Variants in COLEC12 observed in about 807,000 individuals in gnomAD.
The protein encoded by COLEC12 is collectin-12.
A neutral mutation model predicts 71.1 loss-of-function variants in COLEC12; 33 were observed. The observed-to-expected ratio is 0.46, with a 90% CI of 0.35 to 0.62. The LOEUF (loss-of-function observed/expected upper bound fraction) is 0.62, where lower values mean the gene tolerates loss of function less well. COLEC12 is among the 20% of genes least tolerant of loss of function. The probability of loss-of-function intolerance (pLI) is 0.00; values close to 1 mark genes in which losing one functional copy is unlikely to be tolerated. For missense variants in COLEC12, 765 were observed against 916.1 expected, an observed-to-expected ratio of 0.84 and a Z score of 2.13; for synonymous variants, 350 against 353.0, an observed-to-expected ratio of 0.99 and a Z score of 0.10.
At chr18:419,351 G>A (rs937986695) in intron 2 of COLEC12, among the ~76,000 whole-genome samples, 15 of 152,038 alleles carry the variant, frequency 9.9e-5, no homozygotes, top group African/African-American at 1.9e-4. Flanking sequence ...GACTACAGGC[G>A]CATGCCACCA....
chr18:406,568 T>C (rs564983523), intron 2 of COLEC12, among the ~76,000 whole-genome samples: 54 of 151,354 alleles, frequency 3.6e-4, no homozygotes, highest in Admixed American at 2.6e-3. Context: ...CGGGGCTGCC[T>C]TGTGTATAAA....
At chr18:324,592 G>A (rs1213684964) in intron 8 of COLEC12, among the ~76,000 whole-genome samples, 1 of 152,172 alleles carries the variant, frequency 6.6e-6, no homozygotes, top group East Asian at 1.9e-4. Flanking sequence ...ACTTTGGGAG[G>A]CCGAGGTGGG....
intron 3 of COLEC12, among the ~76,000 whole-genome samples, chr18:354,968 T>C (rs1914599465): frequency 6.6e-6 from 1 of 152,082 alleles, no homozygotes. Flanking sequence ...TAGATGCAGA[T>C]TGGCTTAGAG....
In COLEC12 at chr18:318,380, G is replaced by A. The variant is rs1469034988; in HGVS notation, c.*1665C>T. 6.6e-6 allele frequency: 1 copy of A among 151,806 alleles called. No individual in the cohort carries two copies. Among genetic ancestry groups the A allele is most frequent in the Non-Finnish European group, 1.5e-5 (1 of 67,992 alleles). The allele number at this position is 151,806 out of a possible 1,614,324, so 9.4% of individuals were successfully genotyped here. On this transcript the variant is annotated 3_prime_UTR_variant, in exon 10 of 10. Transcript: ENST00000400256. The stretch of plus-strand genomic sequence containing the variant: ...TCTGTTGGATGGAAATCTTACCTTT[G>A]AGCATCAGTTATATTTAATGCCTAG...
intron 2 of COLEC12, among the ~76,000 whole-genome samples, chr18:374,296 C>A (rs1326421460): frequency 6.6e-6 from 1 of 152,144 alleles, no homozygotes; most frequent in Non-Finnish European, 1.5e-5. Flanking sequence ...ATATTATGGA[C>A]TTTTAATATT....
At chr18:397,077 C>T (rs1915587360) in intron 2 of COLEC12, among the ~76,000 whole-genome samples, 1 of 152,158 alleles carries the variant, frequency 6.6e-6, no homozygotes, top group South Asian at 2.1e-4. Context: ...GTCTACTTTC[C>T]CTGGATCCTT....
chr18:474,308 A>T (rs568402186), intron 2 of COLEC12, among the ~76,000 whole-genome samples: 1 of 152,222 alleles, frequency 6.6e-6, no homozygotes, highest in Non-Finnish European at 1.5e-5. Flanking sequence ...CAATGAACTA[A>T]TGGGTGGGAA....
intron 2 of COLEC12, among the ~76,000 whole-genome samples, chr18:428,608 A>G (rs1420037694): frequency 1.3e-5 from 2 of 152,238 alleles, no homozygotes; most frequent in Non-Finnish European, 2.9e-5. Flanking sequence ...GGAGTTCATC[A>G]TAAAAGAATT....
intron 3 of COLEC12, among the ~76,000 whole-genome samples, chr18:350,666 G>A (rs759344942): frequency 1.3e-5 from 2 of 151,988 alleles, no homozygotes; most frequent in African/African-American, 2.4e-5. Context: ...GGTGGCTCAC[G>A]CCCGTAATTC....
At chr18:444,268 TTAAC>T (rs1232355725) in intron 2 of COLEC12, among the ~76,000 whole-genome samples, 11 of 152,344 alleles carry the variant, frequency 7.2e-5, no homozygotes, top group African/African-American at 2.4e-4. Context: ...GTATTATAAA[TTAAC>T]TGTCTCTTTT....
intron 8 of COLEC12, among the ~76,000 whole-genome samples, chr18:322,080 G>A (rs1314806447): frequency 2.0e-5 from 3 of 152,138 alleles, no homozygotes; most frequent in East Asian, 1.9e-4. Flanking sequence ...CAGAGGGAGC[G>A]AATCTTGCTT....
At chr18:386,713 G>A (rs1310838516) in intron 2 of COLEC12, among the ~76,000 whole-genome samples, 12 of 152,202 alleles carry the variant, frequency 7.9e-5, no homozygotes, top group Non-Finnish European at 1.8e-4. Context: ...ATGGGAACCA[G>A]GCAGACCTGA....
At chr18:324,346 C>T (rs1436904927) in intron 8 of COLEC12, among the ~76,000 whole-genome samples, 1 of 152,152 alleles carries the variant, frequency 6.6e-6, no homozygotes, top group East Asian at 1.9e-4. Context: ...AAGTCTGGGG[C>T]TCAAAGCCCT....
At chr18:477,858 G>T (rs904861569) in intron 2 of COLEC12, among the ~76,000 whole-genome samples, 1 of 152,170 alleles carries the variant, frequency 6.6e-6, no homozygotes. Flanking sequence ...GACCTAGAGG[G>T]TTGACATGTC....
chr18:388,110 A>T (rs9303931), intron 2 of COLEC12, among the ~76,000 whole-genome samples: 29,485 of 152,114 alleles, frequency 0.19, 3,052 homozygotes, highest in Middle Eastern at 0.29. Context: ...GGGCTAATGA[A>T]CTGTAAAACA....
intron 2 of COLEC12, among the ~76,000 whole-genome samples, chr18:441,201 T>C (rs1159625588): frequency 2.0e-5 from 3 of 149,662 alleles, no homozygotes; most frequent in Non-Finnish European, 4.4e-5. Flanking sequence ...TGAGCCGAGA[T>C]TGTGCCACTG....
At chr18:467,702 G>C (rs1917114479) in intron 2 of COLEC12, among the ~76,000 whole-genome samples, 1 of 152,148 alleles carries the variant, frequency 6.6e-6, no homozygotes, top group South Asian at 2.1e-4. Context: ...CCATGTTTGA[G>C]TCTAGAGATC....
chr18:407,527 C>T (rs1001426729), intron 2 of COLEC12, among the ~76,000 whole-genome samples: 2 of 152,158 alleles, frequency 1.3e-5, no homozygotes, highest in African/African-American at 4.8e-5. Context: ...AAAATAATGT[C>T]CCAGCTTTGA....
chr18:422,977 A>G (rs1412485056), intron 2 of COLEC12, among the ~76,000 whole-genome samples: 1 of 152,244 alleles, frequency 6.6e-6, no homozygotes, highest in Non-Finnish European at 1.5e-5. Flanking sequence ...TGTTCAAAAC[A>G]ATATTTACTG....
Sources: allele counts gnomAD v4.1 joint callset (sites outside exome capture counted in the v4.1 genomes callset), GRCh38; gene constraint gnomAD v4.1.1; transcripts MANE v1.5; gene names NCBI Gene and HGNC (gene_info 2026-07-23, HGNC 2026-07-21).